Variants in CTNNA2 observed in about 807,000 individuals in gnomAD.
CTNNA2 encodes the protein catenin alpha 2.
Under a neutral mutation model 101.0 loss-of-function variants are expected in CTNNA2, and 42 were observed. The ratio of observed to expected loss-of-function variants is 0.42; its 90% confidence interval spans 0.32 to 0.54. CTNNA2 has a LOEUF of 0.54. Ranked by LOEUF, CTNNA2 falls within the 20% of genes least tolerant of loss-of-function variation. CTNNA2 has a pLI of 0.14. For synonymous variants in CTNNA2, 450 were observed against 456.4 expected (o/e 0.99, Z 0.18); for missense variants, 871 against 1,223.1 (o/e 0.71, Z 4.29).
chr2:80,226,904 C>T (rs7568013), intron 7 of CTNNA2, among the ~76,000 whole-genome samples: 9 of 152,038 alleles, frequency 5.9e-5, no homozygotes, highest in African/African-American at 1.9e-4. Context: ...AGTGTCACCC[C>T]CCTTCACTTT....
chr2:79,868,802 T>G (rs1322118452), intron 4 of CTNNA2, among the ~76,000 whole-genome samples: 1 of 152,224 alleles, frequency 6.6e-6, no homozygotes, highest in African/African-American at 2.4e-5. Flanking sequence ...CCCTTCATGT[T>G]TAAGAACAGT....
At position 79,343,664 on chromosome 2, in the gene CTNNA2, G is replaced by A. The variant is rs183498769; in HGVS notation, c.-317-30167G>A. ...ACAATCTCAGGGATTTGGATTGCAG[G>A]AACAGGAATGAAAATTGATATTGAC... On this transcript the variant is annotated intron_variant, in intron 3 of 21. Coordinates refer to the CTNNA2 transcript ENST00000466387. Among the ~76,000 whole-genome samples the A allele has an allele frequency of 4.0e-3, 604 of 152,104 alleles. 3 individuals are homozygous for A. The highest frequency in any genetic ancestry group is 4.3e-3 in the Non-Finnish European group (295 of 68,004).
At chr2:79,652,267 T>C (rs187909008) in intron 2 of CTNNA2, among the ~76,000 whole-genome samples, 3 of 151,714 alleles carry the variant, frequency 2.0e-5, no homozygotes, top group East Asian at 3.9e-4. Context: ...CAAATTATAA[T>C]AGAGGCATTT....
intron 3 of CTNNA2, among the ~76,000 whole-genome samples, chr2:79,331,645 G>A (rs147177402): frequency 6.6e-6 from 1 of 152,172 alleles, no homozygotes; most frequent in East Asian, 2.0e-4. Context: ...CCTTCTTCCT[G>A]GCTCCCAGGA....
chr2:79,280,123 G>A (rs530356455), intron 2 of CTNNA2, among the ~76,000 whole-genome samples: 5 of 152,166 alleles, frequency 3.3e-5, no homozygotes, highest in South Asian at 2.1e-4. Flanking sequence ...CCGTCCTACC[G>A]TCAATTTGTC....
intron 2 of CTNNA2, among the ~76,000 whole-genome samples, chr2:79,212,973 G>GCA (rs1674195515): frequency 2.0e-5 from 3 of 152,134 alleles, no homozygotes; most frequent in Non-Finnish European, 2.9e-5. Flanking sequence ...TCTAAGAGAT[G>GCA]GGCTAGTGGC....
chr2:79,953,701 C>T (rs1689035227), intron 7 of CTNNA2, among the ~76,000 whole-genome samples: 2 of 152,078 alleles, frequency 1.3e-5, no homozygotes, highest in Admixed American at 1.3e-4. Context: ...ACCTCACGTT[C>T]TTTATCTGTA....
intron 7 of CTNNA2, among the ~76,000 whole-genome samples, chr2:80,055,144 C>T (rs1051426912): frequency 2.0e-5 from 3 of 152,026 alleles, no homozygotes; most frequent in African/African-American, 7.2e-5. Flanking sequence ...CCTTCTGCCC[C>T]ACCTCTCAAA....
At chr2:79,462,669 A>T (rs1211990822) in intron 4 of CTNNA2, among the ~76,000 whole-genome samples, 2 of 152,190 alleles carry the variant, frequency 1.3e-5, no homozygotes, top group Non-Finnish European at 2.9e-5. Flanking sequence ...ATAATTATTA[A>T]ATATGTGTGG....
At chr2:79,993,279 A>G (rs1176096359) in intron 7 of CTNNA2, among the ~76,000 whole-genome samples, 5 of 152,192 alleles carry the variant, frequency 3.3e-5, no homozygotes, top group Admixed American at 3.3e-4. Context: ...CTGGAACTCC[A>G]ACAACTTCCT....
intron 7 of CTNNA2, among the ~76,000 whole-genome samples, chr2:80,272,259 A>G (rs1673552018): frequency 6.6e-6 from 1 of 152,216 alleles, no homozygotes. Context: ...CACTCAGGCA[A>G]TAATCTAGAA....
chr2:79,621,899 T>C (rs1324184293), intron 1 of CTNNA2, among the ~76,000 whole-genome samples: 2 of 152,160 alleles, frequency 1.3e-5, no homozygotes, highest in Non-Finnish European at 2.9e-5. Context: ...GAGAAAACTC[T>C]CACATGAGTA....
intron 7 of CTNNA2, among the ~76,000 whole-genome samples, chr2:80,167,135 CATTATTGTTAATGGCAAAA>C (rs1704751777): frequency 6.6e-6 from 1 of 152,014 alleles, no homozygotes; most frequent in East Asian, 1.9e-4. Flanking sequence ...TAGTAATTGC[CATTATTGTTAATGGCAAAA>C]ATCACACTTA....
chr2:80,548,379 T>C (rs1232778180), intron 11 of CTNNA2, among the ~76,000 whole-genome samples: 1 of 152,158 alleles, frequency 6.6e-6, no homozygotes, highest in East Asian at 1.9e-4. Context: ...TTTAAATGCA[T>C]GCATAAACAT....
At chr2:79,999,863 A>C (rs956712673) in intron 7 of CTNNA2, among the ~76,000 whole-genome samples, 1 of 152,210 alleles carries the variant, frequency 6.6e-6, no homozygotes, top group Admixed American at 6.5e-5. Context: ...GAAGAGCCAC[A>C]GGACACTTTT....
At chr2:79,570,351 A>C (rs1370117770) in intron 1 of CTNNA2, among the ~76,000 whole-genome samples, 1 of 152,150 alleles carries the variant, frequency 6.6e-6, no homozygotes, top group African/African-American at 2.4e-5. Context: ...GCAGGTGCCT[A>C]GAAATGATTT....
At chr2:79,795,051 T>C (rs1042923943) in intron 3 of CTNNA2, among the ~76,000 whole-genome samples, 4 of 152,226 alleles carry the variant, frequency 2.6e-5, no homozygotes, top group African/African-American at 9.6e-5. Flanking sequence ...TAGCCTCATC[T>C]TGACAAGCAT....
chr2:80,063,662 G>C (rs1307864206), intron 7 of CTNNA2, among the ~76,000 whole-genome samples: 2 of 152,344 alleles, frequency 1.3e-5, no homozygotes, highest in East Asian at 3.9e-4. Context: ...ACTCCTTAGA[G>C]AACATGCAAA....
chr2:79,539,264 C>T (rs1474090686), intron 1 of CTNNA2, among the ~76,000 whole-genome samples: 3 of 152,124 alleles, frequency 2.0e-5, no homozygotes, highest in African/African-American at 7.2e-5. Flanking sequence ...CTGATCTATT[C>T]ATAATTGTTG....
Sources: allele counts gnomAD v4.1 joint callset (sites outside exome capture counted in the v4.1 genomes callset), GRCh38; gene constraint gnomAD v4.1.1; transcripts MANE v1.5; gene names NCBI Gene and HGNC (gene_info 2026-07-23, HGNC 2026-07-21).